Variants in CAMTA1 observed in about 807,000 individuals in gnomAD.
CAMTA1 encodes calmodulin binding transcription activator 1.
Under a neutral mutation model 170.9 loss-of-function variants are expected in CAMTA1, and 27 were observed. The ratio of observed to expected loss-of-function variants is 0.16; its 90% CI spans 0.12 to 0.22. CAMTA1 has a LOEUF of 0.22. Among genes scored for constraint, CAMTA1 ranks in the 10% least tolerant of loss-of-function variants. CAMTA1 has a pLI of 1.00. For synonymous variants in CAMTA1, 833 were observed against 891.5 expected (o/e 0.93, Z 1.17); for missense variants, 1,619 against 2,217.2 (o/e 0.73, Z 5.42).
intron 5 of CAMTA1, among the ~76,000 whole-genome samples, chr1:7,304,246 T>C (rs1214216922): frequency 1.3e-5 from 2 of 152,232 alleles, no homozygotes; most frequent in East Asian, 3.8e-4. Flanking sequence ...CTACCACTAT[T>C]TTTTAAAAAG....
At position 7,257,878 on chromosome 1, in the gene CAMTA1, C is replaced by T. The variant is rs566041203; in HGVS notation, c.438+8252C>T. On this transcript the variant is annotated intron_variant, in intron 5 of 22. Transcript: ENST00000303635. Reference sequence around the variant, plus strand: ...GTTTGTCTGTTTTGGATATTGGTCCCATTGAAGACATGAGGAAGTGAGTTG... The same window carrying T: ...GTTTGTCTGTTTTGGATATTGGTCCTATTGAAGACATGAGGAAGTGAGTTG... Among the ~76,000 whole-genome samples the T allele has an allele frequency of 3.9e-5, 6 of 152,258 alleles. No homozygotes were observed. The South Asian group carries it at 1.0e-3, about 26-fold the overall frequency.
At position 7,535,078 on chromosome 1, in the gene CAMTA1, C is replaced by G. The variant is rs183590825; in HGVS notation, c.510+67177C>G. On this transcript the variant is annotated intron_variant, in intron 6 of 22. Transcript: ENST00000303635. ...ACACCACAGGCCGCCCGCCCCACCC[C>G]GGGCCAGCCACCCACAGGCCGTTGA... is the stretch of plus-strand genomic sequence containing the variant. 7.9e-5 allele frequency among the ~76,000 whole-genome samples: 12 copies of G among 152,282 alleles called. No homozygotes were observed. In the East Asian group the frequency reaches 2.3e-3, roughly 29 times the overall value.
At chr1:7,545,595 C>T (rs1359179304) in intron 6 of CAMTA1, among the ~76,000 whole-genome samples, 1 of 152,170 alleles carries the variant, frequency 6.6e-6, no homozygotes, top group Non-Finnish European at 1.5e-5. Context: ...TGATTAGACT[C>T]AGGTGGTGCA....
chr1:7,255,715 G>T (rs999806401), intron 5 of CAMTA1, among the ~76,000 whole-genome samples: 2 of 152,188 alleles, frequency 1.3e-5, no homozygotes, highest in Non-Finnish European at 2.9e-5. Flanking sequence ...GTAACAAGGA[G>T]TCTCCACAGA....
rs1472710301 is a variant in CAMTA1, at chr1:7,510,874, G to A, written c.510+42973G>A. Among the ~76,000 whole-genome samples the A allele has an allele frequency of 2.1e-5, 3 of 144,580 alleles. 1 individual carries two copies. Among genetic ancestry groups the A allele is most frequent in the East Asian group, 2.2e-4 (1 of 4,566 alleles). The allele number at this position is 144,580 out of a possible 152,430, so 94.9% of individuals were successfully genotyped here. A position where few individuals can be genotyped will look rare whatever the true frequency, so the allele number is the denominator to read the frequency against. On this transcript the variant is annotated intron_variant, in intron 6 of 22. Transcript: ENST00000303635. Reference sequence around the variant, plus strand: ...TTTGAGAGCATTGCTTGGGGTCCCGGTGGTTTGGGAGTCACTGTACCTTTG... The same window carrying A: ...TTTGAGAGCATTGCTTGGGGTCCCGATGGTTTGGGAGTCACTGTACCTTTG...
intron 5 of CAMTA1, among the ~76,000 whole-genome samples, chr1:7,308,828 GTT>G: frequency 6.6e-6 from 1 of 152,304 alleles, no homozygotes; most frequent in Non-Finnish European, 1.5e-5. Flanking sequence ...TCAACTATCA[GTT>G]GGAGTTGGTT....
chr1:7,430,793 T>C (rs954345475), intron 5 of CAMTA1, among the ~76,000 whole-genome samples: 59 of 152,210 alleles, frequency 3.9e-4, no homozygotes, highest in African/African-American at 1.3e-3. Context: ...AGGCACCAAG[T>C]AAAATCTTTG....
chr1:7,125,830 A>G (rs988950528), intron 4 of CAMTA1, among the ~76,000 whole-genome samples: 3 of 152,208 alleles, frequency 2.0e-5, no homozygotes, highest in East Asian at 1.9e-4. Context: ...CAGAGGTTCC[A>G]GGGGTCCCTC....
rs544901995 is a variant in CAMTA1, at chr1:7,751,366, G to C, written c.4857G>C (p.Thr1619=). 6.2e-7 allele frequency: 1 copy of C among 1,603,878 alleles called. No individual in the cohort carries two copies. The highest frequency in any genetic ancestry group is 1.1e-5 in the South Asian group (1 of 89,614). The change falls in exon 20 of 23, where the codon ACG becomes ACC. Residue 1619 remains threonine (T), a synonymous_variant. Transcript: ENST00000303635. ...KCGKRRQARR[T]AVIVQQKLRS... is the part of the protein sequence containing the mutation. ...GCAAAAGACGGCAGGCTCGCCGGAC[G>C]GCTGTGATTGTACAACAGAAACTCA...
chr1:6,810,535 G>A (rs1395795163), intron 1 of CAMTA1, among the ~76,000 whole-genome samples: 1 of 152,190 alleles, frequency 6.6e-6, no homozygotes. Flanking sequence ...GGCTGGGCGC[G>A]GTGGCTCATG....
chr1:6,792,871 C>A (rs1324952519), intron 1 of CAMTA1, among the ~76,000 whole-genome samples: 1 of 152,130 alleles, frequency 6.6e-6, no homozygotes, highest in Non-Finnish European at 1.5e-5. Context: ...ACTCTGCTCT[C>A]TACGGTTTTG....
At chr1:7,437,712 G>A (rs1267978574) in intron 5 of CAMTA1, among the ~76,000 whole-genome samples, 1 of 152,204 alleles carries the variant, frequency 6.6e-6, no homozygotes, top group African/African-American at 2.4e-5. Flanking sequence ...GTCTGTAGAA[G>A]CCTGCAGCTT....
intron 1 of CAMTA1, among the ~76,000 whole-genome samples, chr1:6,817,017 G>A (rs904836010): frequency 6.6e-6 from 1 of 152,140 alleles, no homozygotes; most frequent in Non-Finnish European, 1.5e-5. Flanking sequence ...ACTTCATTAT[G>A]CAGTGCTGTG....
chr1:7,233,598 G>C (rs1663241879), intron 4 of CAMTA1, among the ~76,000 whole-genome samples: 1 of 152,210 alleles, frequency 6.6e-6, no homozygotes, highest in African/African-American at 2.4e-5. Context: ...GACTTATGGA[G>C]TGTTTGCTGT....
At chr1:7,031,488 C>G (rs1702790128) in intron 3 of CAMTA1, among the ~76,000 whole-genome samples, 1 of 152,114 alleles carries the variant, frequency 6.6e-6, no homozygotes, top group South Asian at 2.1e-4. Context: ...TTAAAGTGGG[C>G]TTCTGTAGAT....
chr1:6,823,510 A>T (rs575981777), intron 2 of CAMTA1, among the ~76,000 whole-genome samples: 2 of 152,312 alleles, frequency 1.3e-5, no homozygotes, highest in Admixed American at 1.3e-4. Flanking sequence ...TGGGTATTAT[A>T]ATTCAATTGG....
chr1:7,332,716 T>C (rs149251520), intron 5 of CAMTA1, among the ~76,000 whole-genome samples: 1,869 of 152,332 alleles, frequency 0.012, 12 homozygotes, highest in Middle Eastern at 0.031. Flanking sequence ...AGCCAATCCA[T>C]AATTTAGGAG....
intron 4 of CAMTA1, among the ~76,000 whole-genome samples, chr1:7,162,956 C>T: frequency 6.6e-6 from 1 of 151,970 alleles, no homozygotes; most frequent in East Asian, 1.9e-4. Flanking sequence ...TTGGCAGTTC[C>T]AGATCTCTCC....
At chr1:7,395,129 C>A (rs1201196897) in intron 5 of CAMTA1, among the ~76,000 whole-genome samples, 2 of 152,142 alleles carry the variant, frequency 1.3e-5, no homozygotes, top group African/African-American at 4.8e-5. Flanking sequence ...GTGATCCACC[C>A]GCCTCAGCCT....
Sources: gnomAD v4.1 joint callset for allele counts (sites outside exome capture counted in the v4.1 genomes callset) on GRCh38, gnomAD v4.1.1 for gene constraint, MANE v1.5 for transcripts, NCBI Gene and HGNC (gene_info 2026-07-23, HGNC 2026-07-21) for gene names.